Variants in ARL13B observed in about 807,000 individuals in gnomAD.
ARL13B encodes ADP-ribosylation factor-like protein 13B.
ARL13B carries 36 observed loss-of-function variants against 56.1 expected under a neutral mutation model. The ratio of observed to expected loss-of-function variants is 0.64; its 90% confidence interval spans 0.49 to 0.85. The LOEUF is 0.85. ARL13B is among the 40% of genes least tolerant of loss of function. The probability of loss-of-function intolerance (pLI) is 0.00; values close to 1 mark genes in which losing one functional copy is unlikely to be tolerated. For missense variants in ARL13B, 519 were observed against 507.1 expected (o/e 1.02, Z -0.23); for synonymous variants, 178 against 171.1 (o/e 1.04, Z -0.32).
intron 3 of ARL13B, among the ~76,000 whole-genome samples, chr3:94,007,817 T>G (rs1480279460): frequency 6.6e-6 from 1 of 152,178 alleles, no homozygotes; most frequent in Non-Finnish European, 1.5e-5. Context: ...AAAGTCAGAA[T>G]CAGAATATCA....
At chr3:94,024,841 G>A (rs770263491) in intron 3 of ARL13B, among the ~76,000 whole-genome samples, 12 of 152,160 alleles carry the variant, frequency 7.9e-5, no homozygotes, top group East Asian at 3.9e-4. Context: ...TCCCACCTCC[G>A]CCTCCCAAAG....
chr3:94,010,528 C>T (rs75884990), intron 3 of ARL13B, among the ~76,000 whole-genome samples: 1,805 of 151,918 alleles, frequency 0.012, 135 homozygotes, highest in Admixed American at 0.1. Context: ...AATATTTTGC[C>T]TTCGCCTCTT....
At chr3:94,021,792 T>C (rs917858589) in intron 3 of ARL13B, among the ~76,000 whole-genome samples, 2 of 152,204 alleles carry the variant, frequency 1.3e-5, no homozygotes, top group African/African-American at 2.4e-5. Flanking sequence ...TATTACTATA[T>C]TGATGCTGAA....
chr3:94,028,567 G>A (rs558099821), intron 3 of ARL13B: 3 of 152,278 alleles, frequency 2.0e-5, no homozygotes, highest in East Asian at 1.9e-4. Context: ...AAAGTTGTAC[G>A]TTTGCTGTTA....
At chr3:93,992,914 C>T (rs1257523072) in intron 1 of ARL13B, among the ~76,000 whole-genome samples, 2 of 151,980 alleles carry the variant, frequency 1.3e-5, no homozygotes, top group Non-Finnish European at 2.9e-5. Context: ...GCAGCTCAGC[C>T]TCCCAGGTAG....
intron 3 of ARL13B, 128 bp from the exon 4 acceptor site, chr3:94,035,203 C>CGGAG: frequency 1.5e-6 from 1 of 645,892 alleles, no homozygotes; most frequent in South Asian, 2.0e-5. Context: ...CACCACTGTA[C>CGGAG]TCCAGCCTGG....
At chr3:93,999,426 C>A (rs1230637943) in intron 2 of ARL13B, among the ~76,000 whole-genome samples, 2 of 151,884 alleles carry the variant, frequency 1.3e-5, no homozygotes, top group Non-Finnish European at 2.9e-5. Flanking sequence ...TTCACAATAG[C>A]TTTTTTTCCC....
At chr3:94,024,788 G>A (rs574802177) in intron 3 of ARL13B, among the ~76,000 whole-genome samples, 113 of 152,104 alleles carry the variant, frequency 7.4e-4, no homozygotes, top group African/African-American at 2.7e-3. Flanking sequence ...AGGTCTTGCT[G>A]TGTTGCTCAG....
chr3:94,054,124 C>G lies in ARL13B; in HGVS notation c.*861C>G. ...GACACTTTCAGAGATCAAGGTGCTC[C>G]CTATACTCCCTTGTTCCATCAGAAG... On this transcript the variant is annotated 3_prime_UTR_variant, in exon 10 of 10. Coordinates refer to ENST00000394222, the MANE Select transcript of ARL13B (RefSeq NM_001174150.2). 2.2e-6 allele frequency: 1 copy of G among 452,604 alleles called. No homozygotes were observed. The highest frequency in any genetic ancestry group is 1.6e-5 in the South Asian group (1 of 64,272). 28.0% of individuals were successfully genotyped at this position (452,604 alleles called of 1,614,324 possible). A position where few individuals can be genotyped will look rare whatever the true frequency, so the allele number is the denominator to read the frequency against.
intron 2 of ARL13B, among the ~76,000 whole-genome samples, chr3:93,997,492 A>G (rs1466803810): frequency 2.0e-5 from 3 of 152,200 alleles, no homozygotes; most frequent in Non-Finnish European, 4.4e-5. Context: ...GTTATTGTCT[A>G]TGATTTTTTC....
At chr3:93,995,813 T>C in intron 1 of ARL13B, 61 bp from the exon 2 acceptor site, 3 of 1,449,948 alleles carry the variant, frequency 2.1e-6, no homozygotes, top group Non-Finnish European at 2.9e-6. Context: ...GAATTTGCAT[T>C]TATTTTTCCT....
rs1272624458 is a variant in ARL13B at position 94,029,338 on chromosome 3, A to ATTT, written c.381-5985_381-5983dup. Among the ~76,000 whole-genome samples the ATTT allele has an allele frequency of 1.1e-3, 67 of 58,986 alleles. 3 individuals are homozygous for ATTT. Among genetic ancestry groups the ATTT allele is most frequent in the Non-Finnish European group, 1.2e-3 (36 of 29,740 alleles). 38.7% of individuals were successfully genotyped at this position (58,986 alleles called of 152,430 possible). On this transcript the variant is annotated intron_variant, in intron 3 of 9. Coordinates refer to ENST00000394222, the MANE Select transcript of ARL13B (RefSeq NM_001174150.2). ...TATATATATATATATATATATATTT[A>ATTT]TTTTTTTTTTATTTTTTTTTTTTTT...
intron 3 of ARL13B, among the ~76,000 whole-genome samples, chr3:94,019,397 A>G (rs1053580303): frequency 4.6e-5 from 7 of 151,366 alleles, no homozygotes; most frequent in African/African-American, 9.7e-5. Flanking sequence ...GGGTTTCACC[A>G]TATTGGTCAG....
chr3:93,997,783 T>C (rs2075991972), intron 2 of ARL13B, among the ~76,000 whole-genome samples: 1 of 152,176 alleles, frequency 6.6e-6, no homozygotes, highest in Non-Finnish European at 1.5e-5. Context: ...GGACAGGAGT[T>C]CGAGACCAGG....
At chr3:94,018,436 T>TA (rs1372255804) in intron 3 of ARL13B, among the ~76,000 whole-genome samples, 2 of 152,198 alleles carry the variant, frequency 1.3e-5, no homozygotes, top group African/African-American at 4.8e-5. Context: ...TTTTTTCTCT[T>TA]ACCTTTTTGG....
rs1242660297 is a variant in ARL13B at position 94,055,399 on chromosome 3, AT to A, written c.*2143del. ...TTAAATCAGTAGATTAAAATAATGCATTTTTTTGATACTTTACACACAAAAC... is the reference window on the plus strand; with the variant it reads ...TTAAATCAGTAGATTAAAATAATGCATTTTTTGATACTTTACACACAAAAC... On this transcript the variant is annotated 3_prime_UTR_variant, in exon 10 of 10. Coordinates refer to ENST00000394222, the MANE Select transcript of ARL13B (RefSeq NM_001174150.2). The A allele has an allele frequency of 6.7e-6, 3 of 450,402 alleles. No individual in the cohort carries two copies. The highest frequency in any genetic ancestry group is 2.0e-5 in the African/African-American group (1 of 49,938). 27.9% of individuals were successfully genotyped at this position (450,402 alleles called of 1,614,324 possible).
intron 3 of ARL13B, among the ~76,000 whole-genome samples, chr3:94,004,721 T>A (rs780300096): frequency 6.6e-6 from 1 of 152,050 alleles, no homozygotes; most frequent in Non-Finnish European, 1.5e-5. Flanking sequence ...CATTTTTAAA[T>A]GAGGTGGTTT....
At chr3:94,033,107 GA>G (rs1236052324) in intron 3 of ARL13B, among the ~76,000 whole-genome samples, 1 of 152,174 alleles carries the variant, frequency 6.6e-6, no homozygotes, top group East Asian at 1.9e-4. Context: ...TTTTTAAAGT[GA>G]AATAATTCAG....
Position 94,035,359 on chromosome 3 carries a change from G to A in ARL13B, c.409G>A (p.Ala137Thr). The A allele has an allele frequency of 6.2e-7, 1 of 1,610,860 alleles. No individual in the cohort carries two copies. The highest frequency in any genetic ancestry group is 8.5e-7 in the Non-Finnish European group (1 of 1,179,112). ...VLANKQDKEG[A>T]LGEADVIECL... is the part of the protein sequence containing the mutation. The stretch of plus-strand genomic sequence containing the variant: ...GGCAAATAAACAAGATAAAGAAGGA[G>A]CTTTAGGAGAAGCTGATGTCATTGA... Residue 137 changes from alanine to threonine, a missense_variant, in exon 4 of 10, where the codon GCT becomes ACT. Physicochemically the swap from Ala to Thr is moderately conservative, Grantham distance 58. Transcript: ENST00000394222.
Sources: allele counts gnomAD v4.1 joint callset (sites outside exome capture counted in the v4.1 genomes callset), GRCh38; gene constraint gnomAD v4.1.1; transcripts MANE v1.5; gene names NCBI Gene and HGNC (gene_info 2026-07-23, HGNC 2026-07-21).